Variants in SYT1 observed in about 807,000 individuals in gnomAD.
SYT1 encodes the protein synaptotagmin 1.
A neutral mutation model predicts 44.8 loss-of-function variants in SYT1; 8 were observed. The observed-to-expected ratio is 0.18, with a 90% CI of 0.10 to 0.32. SYT1 has a LOEUF of 0.32. Ranked by LOEUF, SYT1 falls within the 10% of genes least tolerant of loss-of-function variation. SYT1 has a pLI of 1.00. For synonymous variants in SYT1, 154 were observed against 188.8 expected (o/e 0.82, Z 1.51); for missense variants, 286 against 509.3 (o/e 0.56, Z 4.22).
intron 9 of SYT1, among the ~76,000 whole-genome samples, chr12:79,395,822 T>A (rs1048513793): frequency 6.6e-6 from 1 of 152,214 alleles, no homozygotes; most frequent in Non-Finnish European, 1.5e-5. Flanking sequence ...GAAAAATTGA[T>A]TTAAACTGAT....
intron 1 of SYT1, among the ~76,000 whole-genome samples, chr12:78,868,421 A>G (rs1873653920): frequency 6.6e-6 from 1 of 151,872 alleles, no homozygotes; most frequent in Non-Finnish European, 1.5e-5. Context: ...TAAATAATTT[A>G]TTTATCATAA....
intron 3 of SYT1, among the ~76,000 whole-genome samples, chr12:79,201,141 C>T (rs567680195): frequency 1.3e-5 from 2 of 152,176 alleles, no homozygotes; most frequent in Admixed American, 6.5e-5. Flanking sequence ...TGTAGTGGAA[C>T]ACCCATGCTA....
intron 3 of SYT1, among the ~76,000 whole-genome samples, chr12:79,203,228 G>A (rs1193896687): frequency 4.6e-5 from 7 of 152,136 alleles, no homozygotes; most frequent in East Asian, 1.9e-4. Context: ...TATGGTTGTC[G>A]TAGGTTGATT....
intron 8 of SYT1, 122 bp from the exon 9 acceptor site, chr12:79,353,380 A>T: frequency 1.4e-6 from 1 of 732,050 alleles, no homozygotes; most frequent in Non-Finnish European, 2.3e-6. Context: ...ATGCCAATGG[A>T]CCTACAATTT....
At chr12:79,016,712 A>T (rs1481363005) in intron 2 of SYT1, among the ~76,000 whole-genome samples, 1 of 152,138 alleles carries the variant, frequency 6.6e-6, no homozygotes, top group Non-Finnish European at 1.5e-5. Flanking sequence ...TAATGATGTC[A>T]TGGAGGAGGC....
intron 4 of SYT1, among the ~76,000 whole-genome samples, chr12:79,275,506 A>G (rs1415335925): frequency 6.6e-6 from 1 of 152,104 alleles, no homozygotes; most frequent in Non-Finnish European, 1.5e-5. Context: ...ATTCCTGCAG[A>G]TGGACCGAGG....
intron 8 of SYT1, among the ~76,000 whole-genome samples, chr12:79,334,267 C>A (rs1371075244): frequency 6.6e-6 from 1 of 151,938 alleles, no homozygotes; most frequent in African/African-American, 2.4e-5. Flanking sequence ...AAAAAAAAAT[C>A]TCTCTTGTCT....
At chr12:79,302,318 C>T (rs145292374) in intron 8 of SYT1, among the ~76,000 whole-genome samples, 55 of 152,130 alleles carry the variant, frequency 3.6e-4, no homozygotes, top group South Asian at 1.2e-3. Flanking sequence ...GCTGTTCTGC[C>T]GGAGACTTGG....
At chr12:79,082,700 G>A (rs1877116822) in intron 3 of SYT1, among the ~76,000 whole-genome samples, 1 of 152,072 alleles carries the variant, frequency 6.6e-6, no homozygotes, top group African/African-American at 2.4e-5. Flanking sequence ...AAGGCCTCCT[G>A]CCCTGCTGAA....
intron 1 of SYT1, among the ~76,000 whole-genome samples, chr12:78,894,603 C>T (rs909648920): frequency 6.6e-6 from 1 of 151,510 alleles, no homozygotes; most frequent in South Asian, 2.1e-4. Context: ...TATCAGAGAT[C>T]TTGGACAAGG....
At chr12:78,993,578 T>G (rs1870165268) in intron 2 of SYT1, among the ~76,000 whole-genome samples, 1 of 152,236 alleles carries the variant, frequency 6.6e-6, no homozygotes, top group Non-Finnish European at 1.5e-5. Context: ...ATCTTTCTTC[T>G]GGAAAGAAAA....
intron 8 of SYT1, among the ~76,000 whole-genome samples, chr12:79,307,625 G>T (rs1880464590): frequency 6.6e-6 from 1 of 150,918 alleles, no homozygotes; most frequent in African/African-American, 2.4e-5. Context: ...TGGGGGTGGG[G>T]GTGGGGGGGC....
At chr12:79,065,887 A>G (rs377272404) in intron 3 of SYT1, among the ~76,000 whole-genome samples, 11 of 152,142 alleles carry the variant, frequency 7.2e-5, no homozygotes, top group African/African-American at 2.7e-4. Flanking sequence ...ATTTTAAAAG[A>G]TTAAAAATTA....
At chr12:79,435,620 T>G (rs1343429239) in intron 9 of SYT1, among the ~76,000 whole-genome samples, 1 of 152,172 alleles carries the variant, frequency 6.6e-6, no homozygotes, top group Non-Finnish European at 1.5e-5. Context: ...ATTGTCTTCA[T>G]GTTGCAAAGC....
intron 1 of SYT1, among the ~76,000 whole-genome samples, chr12:78,946,469 A>G (rs925390057): frequency 7.9e-5 from 12 of 152,164 alleles, no homozygotes; most frequent in Non-Finnish European, 1.2e-4. Context: ...AGCCTGGCCA[A>G]CAAGGCAAAA....
intron 4 of SYT1, among the ~76,000 whole-genome samples, chr12:79,226,988 T>C (rs940107871): frequency 6.6e-6 from 1 of 152,192 alleles, no homozygotes; most frequent in African/African-American, 2.4e-5. Flanking sequence ...ATTAGAATAT[T>C]AATTGATTTC....
chr12:79,168,129 A>G (rs772027336), intron 3 of SYT1, among the ~76,000 whole-genome samples: 1 of 152,080 alleles, frequency 6.6e-6, no homozygotes, highest in Non-Finnish European at 1.5e-5. Flanking sequence ...GGTCTAATAC[A>G]TATGTATGTA....
chr12:79,022,966 T>G (rs1872294461), intron 2 of SYT1, among the ~76,000 whole-genome samples: 1 of 151,842 alleles, frequency 6.6e-6, no homozygotes, highest in African/African-American at 2.4e-5. Context: ...CCATGCCGGT[T>G]TTTTATTTAA....
At chr12:78,989,665 C>T (rs928757895) in intron 2 of SYT1, among the ~76,000 whole-genome samples, 1 of 152,136 alleles carries the variant, frequency 6.6e-6, no homozygotes, top group Non-Finnish European at 1.5e-5. Context: ...TCCCTAATGT[C>T]TTCCTCCAGA....
Sources: gnomAD v4.1 joint callset for allele counts (sites outside exome capture counted in the v4.1 genomes callset) on GRCh38, gnomAD v4.1.1 for gene constraint, MANE v1.5 for transcripts, NCBI Gene and HGNC (gene_info 2026-07-23, HGNC 2026-07-21) for gene names.